Variants in FMN1 observed in about 807,000 individuals in gnomAD.
FMN1 encodes the protein formin-1.
In FMN1, 110 loss-of-function variants were observed where a neutral mutation model predicts 132.4. The observed-to-expected ratio is 0.83, with a 90% CI of 0.71 to 0.97. FMN1 has a LOEUF of 0.97. Ranked by LOEUF, FMN1 falls within the 50% of genes least tolerant of loss-of-function variation. The pLI, the probability that FMN1 is intolerant of heterozygous loss-of-function variation, is 0.00. For synonymous variants in FMN1, 722 were observed against 651.7 expected, an observed-to-expected ratio of 1.11 and a Z score of -1.64; for missense variants, 1,792 against 1,705.3, an observed-to-expected ratio of 1.05 and a Z score of -0.90.
intron 9 of FMN1, among the ~76,000 whole-genome samples, chr15:32,942,655 A>T (rs2061424923): frequency 6.6e-6 from 1 of 152,216 alleles, no homozygotes; most frequent in South Asian, 2.1e-4. Flanking sequence ...AAACACATTC[A>T]TACCTATACC....
chr15:33,188,568 A>G (rs938221017), intron 2 of FMN1, among the ~76,000 whole-genome samples: 8 of 151,988 alleles, frequency 5.3e-5, no homozygotes, highest in African/African-American at 1.9e-4. Flanking sequence ...TTGCTTTATC[A>G]TTTGCCAAGT....
At chr15:32,993,908 G>GGGGA (rs2033598787) in intron 7 of FMN1, among the ~76,000 whole-genome samples, 2 of 141,252 alleles carry the variant, frequency 1.4e-5, no homozygotes, top group African/African-American at 2.9e-5. Flanking sequence ...AGCCGGGGGC[G>GGGGA]GGGTGGGGGG....
intron 9 of FMN1, among the ~76,000 whole-genome samples, chr15:32,932,545 T>A (rs1433683767): frequency 6.6e-6 from 1 of 152,186 alleles, no homozygotes; most frequent in African/African-American, 2.4e-5. Flanking sequence ...CCTCTTCAAT[T>A]TTTTGGAAGA....
chr15:33,090,292 T>C (rs2038858080), intron 4 of FMN1, among the ~76,000 whole-genome samples: 2 of 152,148 alleles, frequency 1.3e-5, no homozygotes, highest in Admixed American at 1.3e-4. Flanking sequence ...TGCTGAAACC[T>C]GACTTACACG....
intron 19 of FMN1, among the ~76,000 whole-genome samples, chr15:32,791,119 AGT>A (rs2057061250): frequency 6.6e-6 from 1 of 152,098 alleles, no homozygotes; most frequent in South Asian, 2.1e-4. Context: ...TGAGACAGTG[AGT>A]GGTCATAGTA....
At chr15:32,893,407 A>C (rs76423485) in intron 15 of FMN1, among the ~76,000 whole-genome samples, 1 of 150,212 alleles carries the variant, frequency 6.7e-6, no homozygotes, top group Non-Finnish European at 1.5e-5. Context: ...CGCTAGAAAA[A>C]AGGAAATGTT....
intron 9 of FMN1, among the ~76,000 whole-genome samples, chr15:32,957,983 T>G (rs1026774150): frequency 2.6e-5 from 4 of 152,170 alleles, no homozygotes; most frequent in Non-Finnish European, 5.9e-5. Context: ...GGCACCTATC[T>G]AAGTATGCAA....
At chr15:32,908,611 A>G (rs772001106) in intron 11 of FMN1, 33 bp from the exon 12 acceptor site, 41 of 1,301,310 alleles carry the variant, frequency 3.2e-5, no homozygotes, top group Non-Finnish European at 4.0e-5. Flanking sequence ...ACCAAAAAAA[A>G]AAAAAAAAAA....
intron 17 of FMN1, among the ~76,000 whole-genome samples, chr15:32,814,044 C>T (rs2057976705): frequency 6.6e-6 from 1 of 152,132 alleles, no homozygotes; most frequent in Non-Finnish European, 1.5e-5. Flanking sequence ...CGCTAAATTT[C>T]CTGACTCTTG....
chr15:33,029,331 A>G (rs2035826148), intron 6 of FMN1, among the ~76,000 whole-genome samples: 2 of 152,272 alleles, frequency 1.3e-5, no homozygotes, highest in Non-Finnish European at 2.9e-5. Flanking sequence ...ATTTTCTACC[A>G]TACTCTGAAG....
chr15:32,961,789 G>C (rs534939952), intron 9 of FMN1, among the ~76,000 whole-genome samples: 6 of 152,174 alleles, frequency 3.9e-5, no homozygotes, highest in African/African-American at 1.4e-4. Flanking sequence ...CACAGAGAGT[G>C]AAAGGACCTA....
rs898254461 is a variant in FMN1 at position 33,153,156 on chromosome 15, G to A, written c.1759C>T (p.Pro587Ser). 3.3e-6 allele frequency: 5 copies of A among 1,536,018 alleles called. No individual in the cohort carries two copies. The highest frequency in any genetic ancestry group is 4.4e-6 in the Non-Finnish European group (5 of 1,146,934). ...GGTTGGCCTGCTCTGAGGAAGGCCG[G>A]GCTGGCTCCTTTGGTCTCCGTGACC... ...AKVTETKGAS[P>S]AFLRAGQPRL... is the part of the protein sequence containing the mutation. The change falls in exon 4 of 21, where the codon CCG becomes TCG. Residue 587 changes from proline to serine, a missense_variant. Pro to Ser is a moderately conservative substitution (Grantham distance 74). Around this residue, in one of 3 missense-constraint regions of FMN1, gnomAD observed 1,150 missense variants for 1,043.1 expected, o/e 1.10. Transcript: ENST00000616417.
chr15:33,125,668 C>T (rs1033848116), intron 4 of FMN1, among the ~76,000 whole-genome samples: 6 of 150,436 alleles, frequency 4.0e-5, no homozygotes, highest in African/African-American at 7.4e-5. Context: ...GGTGAAACCT[C>T]GTCTCTACTA....
intron 4 of FMN1, among the ~76,000 whole-genome samples, chr15:33,111,334 C>G (rs1280967031): frequency 6.6e-6 from 1 of 152,126 alleles, no homozygotes; most frequent in African/African-American, 2.4e-5. Context: ...AACAAGTGTT[C>G]ATGAGGCTGT....
At position 33,154,202 on chromosome 15, in the gene FMN1, G is replaced by T; in HGVS notation, c.713C>A (p.Pro238Gln). Residue 238 changes from proline to glutamine, a missense_variant, in exon 4 of 21, where the codon CCA (proline) becomes CAA (glutamine). Around this residue, in one of 3 missense-constraint regions of FMN1, gnomAD observed 638 missense variants for 645.2 expected, o/e 0.99. Transcript: ENST00000616417. The part of the protein sequence containing the change: ...CSLQRRESCP[P>Q]DIPKTPDTDL... ...TGTGTCTGGCGTCTTGGGAATATCTGGGGGGCAGCTCTCTCTCCTCTGCAG... is the reference window on the plus strand; with the variant it reads ...TGTGTCTGGCGTCTTGGGAATATCTTGGGGGCAGCTCTCTCTCCTCTGCAG... 2 of 1,536,258 alleles carry T rather than the reference G, an allele frequency of 1.3e-6. No homozygotes were observed. Among genetic ancestry groups the T allele is most frequent in the Non-Finnish European group, 8.7e-7 (1 of 1,146,952 alleles).
intron 6 of FMN1, among the ~76,000 whole-genome samples, chr15:33,057,117 C>CA (rs1265667613): frequency 2.6e-5 from 4 of 152,190 alleles, no homozygotes; most frequent in Non-Finnish European, 5.9e-5. Flanking sequence ...GCAGTGGTTG[C>CA]AGTGAGCTGA....
At position 32,774,009 on chromosome 15, in the gene FMN1, A is replaced by C; in HGVS notation, c.*301T>G. On this transcript the variant is annotated 3_prime_UTR_variant, in exon 21 of 21. Transcript: ENST00000616417. ...AGCTGGAAATCTCAGCTTTTAAAAAAATTTTGGAAACATTTTGGTATTTCT... is the reference window on the plus strand; with the variant it reads ...AGCTGGAAATCTCAGCTTTTAAAAACATTTTGGAAACATTTTGGTATTTCT... 5.2e-6 allele frequency: 2 copies of C among 388,296 alleles called. No homozygotes were observed. The highest frequency in any genetic ancestry group is 9.1e-6 in the Non-Finnish European group (2 of 219,520). The allele number at this position is 388,296 out of a possible 1,614,324, so 24.1% of individuals were successfully genotyped here.
intron 19 of FMN1, among the ~76,000 whole-genome samples, chr15:32,780,441 A>T (rs1375605627): frequency 6.6e-6 from 1 of 152,212 alleles, no homozygotes; most frequent in Admixed American, 6.5e-5. Flanking sequence ...TCAGGAAGTT[A>T]CCCTGTATGG....
intron 17 of FMN1, among the ~76,000 whole-genome samples, chr15:32,822,708 A>C (rs893874026): frequency 6.6e-6 from 1 of 152,186 alleles, no homozygotes; most frequent in African/African-American, 2.4e-5. Context: ...GTAATGTTGC[A>C]TTATTTGAGT....
Sources: allele counts gnomAD v4.1 joint callset (sites outside exome capture counted in the v4.1 genomes callset), GRCh38; gene constraint gnomAD v4.1.1; regional missense constraint gnomAD v4.1.1; transcripts MANE v1.5; gene names NCBI Gene and HGNC (gene_info 2026-07-23, HGNC 2026-07-21).